Variants in BBOF1 observed in about 807,000 individuals in gnomAD.
BBOF1 encodes basal body orientation factor 1, also known as basal body-orientation factor 1.
BBOF1 carries 62 observed loss-of-function variants against 68.0 expected under a neutral mutation model. The ratio of observed to expected loss-of-function variants is 0.91; its 90% CI spans 0.74 to 1.13. BBOF1 has a LOEUF of 1.13. Among genes scored for constraint, BBOF1 ranks in the 50% most tolerant of loss-of-function variants. The pLI is 0.00. For missense variants in BBOF1, 534 were observed against 600.1 expected (o/e 0.89, Z 1.15); for synonymous variants, 208 against 198.8 (o/e 1.05, Z -0.39).
At position 74,029,235 on chromosome 14, in the gene BBOF1, G is replaced by A; in HGVS notation, c.337G>A (p.Glu113Lys). The A allele has an allele frequency of 6.4e-7, 1 of 1,560,180 alleles. No homozygotes were observed. The highest frequency in any genetic ancestry group is 8.7e-7 in the Non-Finnish European group (1 of 1,149,744). ...TGAAACAAAGGAAAAAGCCCAAGAG[G>A]AGAAGGATAAATTGGTGAGTTATCT... ...LNETKEKAQE[E>K]KDKLEQKYTR... Residue 113 changes from glutamate (E) to lysine (K), a missense_variant, in exon 3 of 12, where the codon GAG (glutamate) becomes AAG (lysine). By Grantham distance (56) the Glu-to-Lys change is moderately conservative. Coordinates refer to ENST00000394009, the MANE Select transcript of BBOF1 (RefSeq NM_025057.3).
At chr14:74,069,962 C>T (rs562785484), downstream of BBOF1, among the ~76,000 whole-genome samples, 2 of 150,486 alleles carry the variant, frequency 1.3e-5, no homozygotes, top group Non-Finnish European at 2.9e-5. Context: ...AGCTGTCTTC[C>T]CACCTCATGG....
chr14:74,070,666 C>A, downstream of BBOF1: 1 of 130,448 alleles, frequency 7.7e-6, no homozygotes, highest in Admixed American at 7.3e-5. Context: ...CACATCCTGG[C>A]TTTTTCTAGC....
chr14:74,066,506 A>G (rs1362245874), downstream of BBOF1, among the ~76,000 whole-genome samples: 8 of 152,142 alleles, frequency 5.3e-5, no homozygotes, highest in Admixed American at 5.2e-4. Flanking sequence ...AAGTCTGCAG[A>G]CTGCTGGTAT....
intron 3 of BBOF1, 115 bp from the exon 4 acceptor site, chr14:74,033,913 A>T: frequency 1.9e-6 from 1 of 529,350 alleles, no homozygotes; most frequent in Non-Finnish European, 3.1e-6. Flanking sequence ...AATAGAAAAA[A>T]GGGGGGATAT....
At chr14:74,022,129 G>A (rs755400923) in intron 1 of BBOF1, among the ~76,000 whole-genome samples, 33 of 151,932 alleles carry the variant, frequency 2.2e-4, no homozygotes, top group South Asian at 2.1e-4. Context: ...ATCTCAGCAC[G>A]TTGAGAGGCC....
chr14:74,074,872 A>G, intron 9 of BBOF1: 1 of 1,382,132 alleles, frequency 7.2e-7, no homozygotes, highest in East Asian at 2.3e-5. Context: ...CACTCTGATG[A>G]CAATTATGTA....
rs368068420 is a variant in BBOF1, at chr14:74,019,530, A to G, written c.52A>G (p.Thr18Ala). The change falls in exon 1 of 12, where the codon ACG becomes GCG. Residue 18 changes from threonine (T) to alanine (A), a missense_variant. Physicochemically the swap from Thr to Ala is moderately conservative, Grantham distance 58. Coordinates refer to ENST00000394009, the MANE Select transcript of BBOF1 (RefSeq NM_025057.3). ...KKKGKSKGKD[T>A]KKLIKTDESV... ...GAAAGGCAAGAGCAAAGGCAAAGAC[A>G]CGAAGTAAGGAGAAGCCACCCGAGA... 6.3e-7 allele frequency: 1 copy of G among 1,598,486 alleles called. No individual in the cohort carries two copies. The highest frequency in any genetic ancestry group is 8.5e-7 in the Non-Finnish European group (1 of 1,172,592).
intron 2 of BBOF1, 59 bp downstream of exon 2, chr14:74,023,203 G>A (rs962329691): frequency 3.2e-6 from 3 of 934,112 alleles, no homozygotes; most frequent in Non-Finnish European, 4.8e-6. Flanking sequence ...ATGCTGATGT[G>A]GTTATGTATT....
rs1321337950 is a variant in BBOF1, at chr14:74,049,899, G to A, written c.990G>A (p.Lys330=). ...ENQAGQVEID[K]LQHLLQMKDR... is the part of the protein sequence containing the mutation. The stretch of plus-strand genomic sequence containing the variant: ...AAGCAGGTCAGGTAGAAATTGACAA[G>A]CTGCAGCACCTTCTTCAGATGAAGG... The change falls in exon 8 of 12, where the codon AAG becomes AAA. Residue 330 remains lysine (K), a synonymous_variant. Transcript: ENST00000394009. The A allele has an allele frequency of 6.2e-7, 1 of 1,614,140 alleles. No homozygotes were observed. Among genetic ancestry groups the A allele is most frequent in the South Asian group, 1.1e-5 (1 of 91,084 alleles).
At chr14:74,029,444 A>C (rs1166510823) in intron 3 of BBOF1, among the ~76,000 whole-genome samples, 195 bp downstream of exon 3, 7 of 152,148 alleles carry the variant, frequency 4.6e-5, no homozygotes, top group Non-Finnish European at 7.3e-5. Flanking sequence ...ACACTTTGGG[A>C]TGCTGAGGCG....
At chr14:74,021,563 T>C (rs1053765701) in intron 1 of BBOF1, among the ~76,000 whole-genome samples, 1 of 150,500 alleles carries the variant, frequency 6.6e-6, no homozygotes, top group Non-Finnish European at 1.5e-5. Context: ...CACTACAGCC[T>C]GGATGACAGA....
chr14:74,074,377 C>T (rs2060588811), intron 9 of BBOF1, among the ~76,000 whole-genome samples: 1 of 151,658 alleles, frequency 6.6e-6, no homozygotes, highest in Admixed American at 6.6e-5. Context: ...ACCTCCGCCT[C>T]CCGAATTCAA....
intron 1 of BBOF1, among the ~76,000 whole-genome samples, chr14:74,021,973 C>T (rs2059312966): frequency 6.6e-6 from 1 of 151,508 alleles, no homozygotes; most frequent in African/African-American, 2.4e-5. Flanking sequence ...CACAGTTATA[C>T]TACCAATGGG....
intron 4 of BBOF1, among the ~76,000 whole-genome samples, chr14:74,036,040 A>G (rs955344027): frequency 3.3e-5 from 5 of 151,930 alleles, no homozygotes; most frequent in African/African-American, 9.7e-5. Context: ...AGCTACAGGA[A>G]TACTTTTAAA....
At chr14:74,040,290 C>A (rs1595051833) in intron 4 of BBOF1, among the ~76,000 whole-genome samples, 1 of 152,140 alleles carries the variant, frequency 6.6e-6, no homozygotes, top group Non-Finnish European at 1.5e-5. Context: ...TGCTCAGCCT[C>A]TTAATATTTT....
At chr14:74,053,815 G>A (rs180952359) in intron 8 of BBOF1, among the ~76,000 whole-genome samples, 16 of 151,396 alleles carry the variant, frequency 1.1e-4, no homozygotes, top group East Asian at 9.8e-4. Flanking sequence ...GGGTTTAAGC[G>A]ATTCTCCTGC....
intron 1 of BBOF1, 149 bp downstream of exon 1, chr14:74,019,683 T>A: frequency 7.3e-7 from 1 of 1,364,448 alleles, no homozygotes; most frequent in Non-Finnish European, 9.9e-7. Context: ...CCCATGTCCA[T>A]AGTCTGGCAG....
intron 12 of BBOF1, among the ~76,000 whole-genome samples, chr14:74,081,650 C>T (rs2060668948): frequency 6.6e-6 from 1 of 152,074 alleles, no homozygotes; most frequent in African/African-American, 2.4e-5. Context: ...TTATAAGGAA[C>T]TCCTTCCTCT....
At chr14:74,059,359 T>C in intron 11 of BBOF1, 1 of 456,500 alleles carries the variant, frequency 2.2e-6, no homozygotes, top group Non-Finnish European at 4.4e-6. Flanking sequence ...CAATCCTTGA[T>C]TTCTGGGCCT....
Sources: allele counts gnomAD v4.1 joint callset (sites outside exome capture counted in the v4.1 genomes callset), GRCh38; gene constraint gnomAD v4.1.1; transcripts MANE v1.5; gene names NCBI Gene and HGNC (gene_info 2026-07-23, HGNC 2026-07-21).